Variants in PPP1R12B observed in about 807,000 individuals in gnomAD.
PPP1R12B encodes myosin phosphatase target subunit 2.
A neutral mutation model predicts 126.1 loss-of-function variants in PPP1R12B; 76 were observed. The observed-to-expected ratio is 0.60, with a 90% CI of 0.50 to 0.73. The LOEUF (loss-of-function observed/expected upper bound fraction) is 0.73. Among genes scored for constraint, PPP1R12B ranks in the 30% least tolerant of loss-of-function variants. The probability of loss-of-function intolerance (pLI) is 0.00; values close to 1 mark genes in which losing one functional copy is unlikely to be tolerated. For synonymous variants in PPP1R12B, 356 were observed against 434.7 expected (o/e 0.82, Z 2.25); for missense variants, 1,052 against 1,205.1 (o/e 0.87, Z 1.88).
At chr1:202,548,773 G>GCTCTCT (rs1448463540) in intron 18 of PPP1R12B, among the ~76,000 whole-genome samples, 2 of 106,872 alleles carry the variant, frequency 1.9e-5, no homozygotes, top group East Asian at 2.8e-4. Context: ...TCACTCGCTC[G>GCTCTCT]CTGTCTCTCT....
intron 11 of PPP1R12B, among the ~76,000 whole-genome samples, chr1:202,441,737 C>T (rs1572041634): frequency 6.6e-6 from 1 of 151,954 alleles, no homozygotes; most frequent in East Asian, 1.9e-4. Context: ...ACTTCTTTCC[C>T]TTTCCCCTTC....
chr1:202,416,834 C>T lies in PPP1R12B; in HGVS notation c.339C>T (p.Asn113=). The part of the protein sequence containing the change: ...NLDMVKFLVE[N]RANVNQQDNE... ...ACATGGTGAAGTTTCTGGTGGAGAA[C>T]AGAGCCAATGTAAACCAGCAAGACA... Residue 113 remains asparagine, a synonymous_variant, in exon 2 of 24, where the codon AAC becomes AAT. Coordinates refer to ENST00000608999, the MANE Select transcript of PPP1R12B (RefSeq NM_002481.4). 6.2e-7 allele frequency: 1 copy of T among 1,614,020 alleles called. No homozygotes were observed. Among genetic ancestry groups the T allele is most frequent in the Non-Finnish European group, 8.5e-7 (1 of 1,179,940 alleles).
At position 202,434,637 on chromosome 1, in the gene PPP1R12B, C is replaced by T. The variant is rs112179010; in HGVS notation, c.1142-19C>T. 1 of 1,600,270 alleles carries T rather than the reference C, an allele frequency of 6.2e-7. No individual in the cohort carries two copies. The highest frequency in any genetic ancestry group is 1.4e-5 in the African/African-American group (1 of 73,744). On this transcript the variant is annotated intron_variant, in intron 8 of 23. Coordinates refer to ENST00000608999, the MANE Select transcript of PPP1R12B (RefSeq NM_002481.4). ...ATTTTTATACTAGTACTTGTTAATT[C>T]TCTTGTCTTAAATAACAGATAAAAA...
intron 13 of PPP1R12B, chr1:202,462,627 G>T: frequency 1.3e-5 from 3 of 236,376 alleles, no homozygotes; most frequent in Non-Finnish European, 2.1e-5. Context: ...TGATAAAGTG[G>T]TTCATTTTTC....
Position 202,588,832 on chromosome 1 carries a change from TAGA to T in PPP1R12B, c.*8273_*8275del, listed in dbSNP as rs1189519616. On this transcript the variant is annotated 3_prime_UTR_variant, in exon 24 of 24. Transcript: ENST00000608999. ...GCGTTCAAAAGAACCGTAAGATAGA[TAGA>T]TAGATAGATAGATAGATAGATAGAT... 1.0e-4 allele frequency: 13 copies of T among 128,986 alleles called. No homozygotes were observed. The highest frequency in any genetic ancestry group is 4.2e-4 in the African/African-American group (12 of 28,248). The allele number at this position is 128,986 out of a possible 1,614,324, so 8.0% of individuals were successfully genotyped here.
intron 23 of PPP1R12B, among the ~76,000 whole-genome samples, chr1:202,574,742 C>A (rs998005214): frequency 3.3e-5 from 5 of 152,142 alleles, no homozygotes; most frequent in Non-Finnish European, 5.9e-5. Flanking sequence ...GAGAGCCTGG[C>A]AGTTATATTC....
rs74860606 is a variant in PPP1R12B at position 202,377,832 on chromosome 1, G to GTTTTTTTTTTTTT, written c.291+28705_291+28717dup. ...GGAGAAAGAAAGGTCAAAGACAGGT[G>GTTTTTTTTTTTTT]TTTTTTTTTTTTTTTTTTTTTTTTT... On this transcript the variant is annotated intron_variant, in intron 1 of 23. Coordinates refer to ENST00000608999, the MANE Select transcript of PPP1R12B (RefSeq NM_002481.4). 8.2e-5 allele frequency among the ~76,000 whole-genome samples: 8 copies of GTTTTTTTTTTTTT among 97,264 alleles called. 1 individual carries two copies. The highest frequency in any genetic ancestry group is 4.0e-4 in the African/African-American group (8 of 20,138). The allele number at this position is 97,264 out of a possible 152,430, so 63.8% of individuals were successfully genotyped here.
At chr1:202,464,027 T>C (rs925927780) in intron 13 of PPP1R12B, among the ~76,000 whole-genome samples, 1 of 152,188 alleles carries the variant, frequency 6.6e-6, no homozygotes, top group Non-Finnish European at 1.5e-5. Flanking sequence ...AATAGTTTTT[T>C]CTCACCTTCT....
At chr1:202,540,548 A>G (rs1335859075) in intron 18 of PPP1R12B, among the ~76,000 whole-genome samples, 2 of 152,212 alleles carry the variant, frequency 1.3e-5, no homozygotes, top group Admixed American at 6.5e-5. Flanking sequence ...TTATCACTTT[A>G]TCTTACAAGG....
chr1:202,567,503 G>A, intron 21 of PPP1R12B: 1 of 427,396 alleles, frequency 2.3e-6, no homozygotes, highest in Non-Finnish European at 4.2e-6. Context: ...GAGAGAGAGA[G>A]AGAGATTGTG....
At chr1:202,521,168 G>A (rs1682745698) in intron 18 of PPP1R12B, among the ~76,000 whole-genome samples, 2 of 152,106 alleles carry the variant, frequency 1.3e-5, no homozygotes, top group African/African-American at 4.8e-5. Context: ...TTCAGAACTG[G>A]GCTACCTAGG....
At chr1:202,368,201 C>T (rs996726786) in intron 1 of PPP1R12B, among the ~76,000 whole-genome samples, 10 of 152,102 alleles carry the variant, frequency 6.6e-5, no homozygotes, top group African/African-American at 2.4e-4. Context: ...GAACTCCTGA[C>T]CTCAGGTGAT....
chr1:202,377,310 G>A (rs1661326863), intron 1 of PPP1R12B, among the ~76,000 whole-genome samples: 1 of 151,820 alleles, frequency 6.6e-6, no homozygotes, highest in South Asian at 2.1e-4. Flanking sequence ...AATGTGAGAA[G>A]GGTAGTATCT....
intron 1 of PPP1R12B, among the ~76,000 whole-genome samples, chr1:202,387,264 C>G (rs1030513035): frequency 6.6e-6 from 1 of 152,192 alleles, no homozygotes; most frequent in African/African-American, 2.4e-5. Context: ...ATTAACAAGA[C>G]TAACTGCTCC....
intron 1 of PPP1R12B, among the ~76,000 whole-genome samples, chr1:202,395,114 CAAAAAAAAA>C (rs71142529): frequency 3.7e-4 from 36 of 97,958 alleles, no homozygotes; most frequent in African/African-American, 1.5e-3. Flanking sequence ...GAGACTCTCT[CAAAAAAAAA>C]AAAAAAAAAA....
In PPP1R12B at chr1:202,567,813, G is replaced by A; in HGVS notation, c.2793G>A (p.Val931=). The change falls in exon 22 of 24, where the codon GTG becomes GTA. Residue 931 remains valine, a synonymous_variant. Coordinates refer to ENST00000608999, the MANE Select transcript of PPP1R12B (RefSeq NM_002481.4). ...KQEKTSDRSS[V]LEMEKRERRA... ...AAAAGACCTCTGACCGATCATCAGT[G>A]CTGGAGATGGAGAAACGGGTATGCG... 3 of 1,614,054 alleles carry A rather than the reference G, an allele frequency of 1.9e-6. No homozygotes were observed. Among genetic ancestry groups the A allele is most frequent in the Non-Finnish European group, 2.5e-6 (3 of 1,179,948 alleles).
intron 10 of PPP1R12B, chr1:202,438,521 A>G: frequency 2.5e-6 from 1 of 407,462 alleles, no homozygotes; most frequent in South Asian, 2.0e-5. Context: ...GATGACCTGA[A>G]AGAGCTGCCC....
At chr1:202,558,628 G>A (rs1437457523) in intron 18 of PPP1R12B, 2 of 428,238 alleles carry the variant, frequency 4.7e-6, no homozygotes, top group African/African-American at 2.1e-5. Flanking sequence ...GTTTAAAAAG[G>A]TGCTATCCCT....
At chr1:202,432,951 A>G (rs1035288487) in intron 8 of PPP1R12B, among the ~76,000 whole-genome samples, 7 of 152,224 alleles carry the variant, frequency 4.6e-5, no homozygotes, top group African/African-American at 1.7e-4. Context: ...ATGATGGGAG[A>G]ATACTACCCT....
Sources: allele counts gnomAD v4.1 joint callset (sites outside exome capture counted in the v4.1 genomes callset), GRCh38; gene constraint gnomAD v4.1.1; transcripts MANE v1.5; gene names NCBI Gene and HGNC (gene_info 2026-07-23, HGNC 2026-07-21).